Variants in CHURC1 observed in about 807,000 individuals in gnomAD.
CHURC1 encodes the protein protein Churchill.
A neutral mutation model predicts 15.4 loss-of-function variants in CHURC1; 12 were observed. That is an observed-to-expected ratio of 0.78 (90% confidence interval 0.50 to 1.27). The LOEUF is 1.27. Ranked by LOEUF, CHURC1 falls within the 50% of genes most tolerant of loss-of-function variation. CHURC1 has a pLI of 0.00. For synonymous variants in CHURC1, 42 were observed against 47.5 expected (o/e 0.88, Z 0.48); for missense variants, 132 against 137.8 (o/e 0.96, Z 0.21).
rs1885167290 is a variant in CHURC1 at position 64,933,125 on chromosome 14, A to C, written c.*895A>C. On this transcript the variant is annotated 3_prime_UTR_variant, in exon 4 of 4. Coordinates refer to ENST00000549115, the MANE Select transcript of CHURC1 (RefSeq NM_001386928.1). ...AGTCTGATCAGGAGAAAAACATCAC[A>C]CAAATTCCAATTGAGAAGCATTCTT... is the stretch of plus-strand genomic sequence containing the variant. 1 of 153,784 alleles carries C rather than the reference A, an allele frequency of 6.5e-6. No homozygotes were observed. The highest frequency in any genetic ancestry group is 1.4e-5 in the Non-Finnish European group (1 of 69,362). The allele number at this position is 153,784 out of a possible 1,614,324, so 9.5% of individuals were successfully genotyped here.
intron 3 of CHURC1, among the ~76,000 whole-genome samples, chr14:64,930,375 A>G (rs1885011761): frequency 1.3e-5 from 2 of 152,210 alleles, no homozygotes; most frequent in Admixed American, 1.3e-4. Context: ...AAGCACTTCT[A>G]TATATGGTTA....
At chr14:64,921,430 A>T (rs903899236) in intron 1 of CHURC1, among the ~76,000 whole-genome samples, 2 of 152,092 alleles carry the variant, frequency 1.3e-5, no homozygotes, top group Admixed American at 1.3e-4. Context: ...ATATTTGGGA[A>T]AAAACTTGTA....
At position 64,934,025 on chromosome 14, in the gene CHURC1, G is replaced by A. The variant is rs1885212685; in HGVS notation, c.*1795G>A. On this transcript the variant is annotated 3_prime_UTR_variant, in exon 4 of 4. Coordinates refer to ENST00000549115, the MANE Select transcript of CHURC1 (RefSeq NM_001386928.1). ...TTTATTTCAGTGTAGCACTTTTAGA[G>A]CCAAAAAAACTCAGGCACAAAGAAG... 2.1e-6 allele frequency: 2 copies of A among 971,112 alleles called. No homozygotes were observed. The highest frequency in any genetic ancestry group is 1.2e-4 in the East Asian group (1 of 8,690). 60.2% of individuals were successfully genotyped at this position (971,112 alleles called of 1,614,324 possible).
At position 64,926,008 on chromosome 14, in the gene CHURC1, A is replaced by G; in HGVS notation, c.176-2A>G. On this transcript the variant is annotated splice_acceptor_variant, in intron 2 of 3. Coordinates refer to ENST00000549115, the MANE Select transcript of CHURC1 (RefSeq NM_001386928.1). LOFTEE classifies it high-confidence loss of function. Reference sequence around the variant, plus strand: ...TACGTAAGTCTCTCTTTGTTTTAGCAGATTTGTGTAAGAATTGTCATCATG... The same window carrying G: ...TACGTAAGTCTCTCTTTGTTTTAGCGGATTTGTGTAAGAATTGTCATCATG... The G allele has an allele frequency of 6.3e-7, 1 of 1,594,364 alleles. No homozygotes were observed. Among genetic ancestry groups the G allele is most frequent in the Non-Finnish European group, 8.5e-7 (1 of 1,172,290 alleles).
At chr14:64,929,118 C>T (rs935454054) in intron 3 of CHURC1, among the ~76,000 whole-genome samples, 1 of 152,174 alleles carries the variant, frequency 6.6e-6, no homozygotes, top group Admixed American at 6.5e-5. Flanking sequence ...TGCAGTTCTG[C>T]ACACTGCCAT....
chr14:64,933,737 T>C lies in CHURC1; in HGVS notation c.*1507T>C. ...AGTGTTTCTTCATATCTAGGAGATT[T>C]GGAAATTCTGAACTAAGGTCTTATA... On this transcript the variant is annotated 3_prime_UTR_variant, in exon 4 of 4. Transcript: ENST00000549115. 1 of 985,452 alleles carries C rather than the reference T, an allele frequency of 1.0e-6. No individual in the cohort carries two copies. The highest frequency in any genetic ancestry group is 4.7e-5 in the South Asian group (1 of 21,288). The allele number at this position is 985,452 out of a possible 1,614,324, so 61.0% of individuals were successfully genotyped here. A position where few individuals can be genotyped will look rare whatever the true frequency, so the allele number is the denominator to read the frequency against.
chr14:64,914,635 C>T (rs1475457437), intron 1 of CHURC1, 101 bp downstream of exon 1: 1 of 1,578,392 alleles, frequency 6.3e-7, no homozygotes, highest in Non-Finnish European at 8.6e-7. Context: ...CGGACTCGGC[C>T]GCACTGCCGG....
chr14:64,920,081 A>G (rs1345828033), intron 1 of CHURC1, among the ~76,000 whole-genome samples: 3 of 152,144 alleles, frequency 2.0e-5, no homozygotes, highest in African/African-American at 7.2e-5. Flanking sequence ...AAATATATAC[A>G]TTAGCTATTA....
intron 1 of CHURC1, among the ~76,000 whole-genome samples, chr14:64,923,258 C>A (rs1413385423): frequency 8.3e-6 from 1 of 121,128 alleles, no homozygotes; most frequent in East Asian, 2.1e-4. Flanking sequence ...CATAGCAAGA[C>A]CCCATCTCAA....
At chr14:64,930,999 C>T in intron 3 of CHURC1, 2 of 362,724 alleles carry the variant, frequency 5.5e-6, no homozygotes, top group Non-Finnish European at 1.1e-5. Flanking sequence ...CTTTGTACCA[C>T]AGTCATTGTT....
In CHURC1 at chr14:64,933,908, A is replaced by G; in HGVS notation, c.*1678A>G. The G allele has an allele frequency of 1.0e-6, 1 of 984,928 alleles. No homozygotes were observed. Among genetic ancestry groups the G allele is most frequent in the Non-Finnish European group, 1.2e-6 (1 of 829,480 alleles). The allele number at this position is 984,928 out of a possible 1,614,324, so 61.0% of individuals were successfully genotyped here. A position where few individuals can be genotyped will look rare whatever the true frequency, so the allele number is the denominator to read the frequency against. On this transcript the variant is annotated 3_prime_UTR_variant, in exon 4 of 4. Coordinates refer to ENST00000549115, the MANE Select transcript of CHURC1 (RefSeq NM_001386928.1). The stretch of plus-strand genomic sequence containing the variant: ...GCACTTATTTAATCCTCATTAACAA[A>G]TTCATAAGGTAGGTGCTATTGATAG...
intron 1 of CHURC1, among the ~76,000 whole-genome samples, chr14:64,921,819 C>G (rs1884320590): frequency 6.6e-6 from 1 of 152,190 alleles, no homozygotes; most frequent in Non-Finnish European, 1.5e-5. Context: ...AGACATGTAT[C>G]CATCCAAGAC....
At chr14:64,931,653 C>G (rs1885084216) in intron 3 of CHURC1, among the ~76,000 whole-genome samples, 2 of 152,148 alleles carry the variant, frequency 1.3e-5, no homozygotes, top group Admixed American at 6.5e-5. Flanking sequence ...ATCAAATTCC[C>G]AGACAACTAG....
At position 64,932,257 on chromosome 14, in the gene CHURC1, T is replaced by C. The variant is rs1355283266; in HGVS notation, c.*27T>C. ...GATCCTTCTACAGATCTGTTATAACTATATTGTGTTGGTTTACAATACAGC... is the reference window on the plus strand; with the variant it reads ...GATCCTTCTACAGATCTGTTATAACCATATTGTGTTGGTTTACAATACAGC... On this transcript the variant is annotated 3_prime_UTR_variant, in exon 4 of 4. Transcript: ENST00000549115. The C allele has an allele frequency of 6.2e-7, 1 of 1,611,010 alleles. No individual in the cohort carries two copies. The highest frequency in any genetic ancestry group is 8.5e-7 in the Non-Finnish European group (1 of 1,178,246).
intron 1 of CHURC1, among the ~76,000 whole-genome samples, chr14:64,919,172 A>G (rs1884100207): frequency 6.6e-6 from 1 of 152,154 alleles, no homozygotes; most frequent in Admixed American, 6.5e-5. Flanking sequence ...ACTCTACTAC[A>G]TTTTCTAAAA....
rs992661106 is a variant in CHURC1, at chr14:64,933,624, A to G, written c.*1394A>G. On this transcript the variant is annotated 3_prime_UTR_variant, in exon 4 of 4. Transcript: ENST00000549115. ...TTAGTGAATGTAAGATACTTTAGAA[A>G]GCATGTAAAGTACTAGAAACAATGA... 7.1e-6 allele frequency: 7 copies of G among 984,526 alleles called. No homozygotes were observed. Among genetic ancestry groups the G allele is most frequent in the Non-Finnish European group, 8.4e-6 (7 of 829,194 alleles). The allele number at this position is 984,526 out of a possible 1,614,324, so 61.0% of individuals were successfully genotyped here. A position where few individuals can be genotyped will look rare whatever the true frequency, so the allele number is the denominator to read the frequency against.
chr14:64,920,503 G>A (rs1884205120), intron 1 of CHURC1, among the ~76,000 whole-genome samples: 1 of 152,160 alleles, frequency 6.6e-6, no homozygotes, highest in Non-Finnish European at 1.5e-5. Context: ...GGTTACTCTT[G>A]CTGCTTTCAA....
At chr14:64,920,212 A>T (rs1055778659) in intron 1 of CHURC1, among the ~76,000 whole-genome samples, 2 of 152,200 alleles carry the variant, frequency 1.3e-5, no homozygotes, top group Admixed American at 1.3e-4. Context: ...TACAGTTTTC[A>T]GCCATTTCTT....
At chr14:64,931,103 A>C (rs1191571367) in intron 3 of CHURC1, among the ~76,000 whole-genome samples, 1 of 152,264 alleles carries the variant, frequency 6.6e-6, no homozygotes, top group East Asian at 1.9e-4. Context: ...ACTTAGCATC[A>C]GGTGTGGAAA....
Sources: allele counts gnomAD v4.1 joint callset (sites outside exome capture counted in the v4.1 genomes callset), GRCh38; gene constraint gnomAD v4.1.1; transcripts MANE v1.5; gene names NCBI Gene and HGNC (gene_info 2026-07-23, HGNC 2026-07-21).